The following SUZ12 variants were observed in gnomAD, a reference collection of about 807,000 sequenced individuals.
The protein encoded by SUZ12 is polycomb protein SUZ12.
Under a neutral mutation model 87.3 loss-of-function variants are expected in SUZ12, and 17 were observed. That is an observed-to-expected ratio of 0.19 (90% confidence interval 0.13 to 0.29). The LOEUF is 0.29. Among genes scored for constraint, SUZ12 ranks in the 10% least tolerant of loss-of-function variants. The pLI, the probability that SUZ12 is intolerant of heterozygous loss-of-function variation, is 1.00. For synonymous variants in SUZ12, 253 were observed against 312.4 expected (o/e 0.81, Z 2.01); for missense variants, 526 against 912.2 (o/e 0.58, Z 5.45).
intron 4 of SUZ12, among the ~76,000 whole-genome samples, chr17:31,958,059 C>T (rs1232311370): frequency 2.1e-4 from 32 of 151,912 alleles, no homozygotes; most frequent in African/African-American, 6.8e-4. Flanking sequence ...CCTGCCATCA[C>T]GCCCGGCTAA....
chr17:31,963,407 G>A (rs1598162697), intron 4 of SUZ12, among the ~76,000 whole-genome samples: 1 of 150,872 alleles, frequency 6.6e-6, no homozygotes, highest in East Asian at 1.9e-4. Flanking sequence ...CTCCCATCCC[G>A]CCTCATCTCC....
Position 31,952,131 on chromosome 17 carries a change from G to A in SUZ12, c.455+4446G>A, listed in dbSNP as rs575047063. Among the ~76,000 whole-genome samples the A allele has an allele frequency of 3.5e-4, 53 of 152,238 alleles. 1 individual carries two copies. The South Asian group carries it at 9.1e-3, about 26-fold the overall frequency. On this transcript the variant is annotated intron_variant, in intron 4 of 15. Coordinates refer to ENST00000322652, the MANE Select transcript of SUZ12 (RefSeq NM_015355.4). ...TGCCCAGGCTGGAGCACAAGTGGCT[G>A]CTCACTGCAGCCTCTAACTCCTGGC...
chr17:31,999,452 G>GA lies in SUZ12; in HGVS notation c.*456dup, dbSNP rs1412157547. On this transcript the variant is annotated 3_prime_UTR_variant, in exon 16 of 16. Transcript: ENST00000322652. ...TCTTCATATGTCAACTACAGAAAAG[G>GA]AAAAAAATAGAAATTGAAGGATTTT... 7 of 231,198 alleles carry GA rather than the reference G, an allele frequency of 3.0e-5. No individual in the cohort carries two copies. Among genetic ancestry groups the GA allele is most frequent in the Non-Finnish European group, 6.0e-5 (7 of 117,024 alleles). The allele number at this position is 231,198 out of a possible 1,614,324, so 14.3% of individuals were successfully genotyped here. A position where few individuals can be genotyped will look rare whatever the true frequency, so the allele number is the denominator to read the frequency against.
intron 4 of SUZ12, among the ~76,000 whole-genome samples, chr17:31,950,107 C>T (rs982270361): frequency 1.3e-5 from 2 of 152,110 alleles, no homozygotes; most frequent in Non-Finnish European, 2.9e-5. Context: ...CTGCCTCAGC[C>T]TCCCAAGTAG....
At chr17:31,971,871 T>G (rs1217602644) in intron 5 of SUZ12, among the ~76,000 whole-genome samples, 2 of 152,188 alleles carry the variant, frequency 1.3e-5, no homozygotes, top group Non-Finnish European at 2.9e-5. Flanking sequence ...TCTCAGCTAC[T>G]TAGGAGGCTT....
At chr17:31,973,567 G>A (rs2470250) in intron 6 of SUZ12, among the ~76,000 whole-genome samples, 1 of 152,316 alleles carries the variant, frequency 6.6e-6, no homozygotes, top group East Asian at 1.9e-4. Flanking sequence ...GACATTTTAG[G>A]TAAGGGCTAA....
At position 31,983,055 on chromosome 17, in the gene SUZ12, G is replaced by A; in HGVS notation, c.974G>A (p.Cys325Tyr). The A allele has an allele frequency of 6.2e-7, 1 of 1,613,646 alleles. No individual in the cohort carries two copies. Among genetic ancestry groups the A allele is most frequent in the Non-Finnish European group, 8.5e-7 (1 of 1,179,762 alleles). ...YEVAMQEMEE[C>Y]PISKKRATWE... ...GTAGCCATGCAGGAAATGGAAGAAT[G>A]TCCAATAAGCAAGAAAAGAGCAACA... The change falls in exon 9 of 16, where the codon TGT becomes TAT. Residue 325 changes from cysteine to tyrosine, a missense_variant. Physicochemically the swap from Cys to Tyr is radical, Grantham distance 194. Coordinates refer to ENST00000322652, the MANE Select transcript of SUZ12 (RefSeq NM_015355.4).
chr17:31,969,665 C>T (rs1305543757), intron 5 of SUZ12, among the ~76,000 whole-genome samples: 2 of 152,082 alleles, frequency 1.3e-5, no homozygotes, highest in African/African-American at 2.4e-5. Flanking sequence ...GTTTCTTTTC[C>T]ATCCAAGGTT....
intron 13 of SUZ12, among the ~76,000 whole-genome samples, chr17:31,995,028 C>T (rs1428974506): frequency 3.3e-5 from 5 of 152,002 alleles, no homozygotes; most frequent in Admixed American, 1.3e-4. Flanking sequence ...CCTGGGAGGT[C>T]GAGGTTGCAG....
At chr17:31,947,324 CAAAAT>C (rs930812120) in intron 3 of SUZ12, among the ~76,000 whole-genome samples, 4 of 151,898 alleles carry the variant, frequency 2.6e-5, no homozygotes, top group African/African-American at 7.3e-5. Flanking sequence ...AAGTAAGTGT[CAAAAT>C]AAATATAAAC....
At chr17:31,986,293 T>C (rs947565574) in intron 9 of SUZ12, among the ~76,000 whole-genome samples, 12 of 152,212 alleles carry the variant, frequency 7.9e-5, no homozygotes, top group Admixed American at 2.6e-4. Context: ...AGTCAGAGCA[T>C]ATAGATTTAC....
rs750012569 is a variant in SUZ12 at position 31,975,750 on chromosome 17, C to T, written c.823+37C>T. 3.4e-5 allele frequency: 50 copies of T among 1,475,150 alleles called. No homozygotes were observed. In the South Asian group the frequency reaches 4.4e-4, roughly 13 times the overall value. The allele number at this position is 1,475,150 out of a possible 1,614,324, so 91.4% of individuals were successfully genotyped here. On this transcript the variant is annotated intron_variant, in intron 7 of 15. Transcript: ENST00000322652. The stretch of plus-strand genomic sequence containing the variant: ...TTTTACTAGATTTTATCACTGGAGA[C>T]TAAGATGGTCATTGAAAATGATTGT...
At chr17:31,987,822 C>A (rs1375818676) in intron 9 of SUZ12, among the ~76,000 whole-genome samples, 1 of 152,026 alleles carries the variant, frequency 6.6e-6, no homozygotes, top group Admixed American at 6.6e-5. Flanking sequence ...CCTGTAATCC[C>A]AGCTACTTGG....
At chr17:31,985,489 TGATGA>T (rs1909356934) in intron 9 of SUZ12, among the ~76,000 whole-genome samples, 1 of 151,810 alleles carries the variant, frequency 6.6e-6, no homozygotes, top group African/African-American at 2.4e-5. Flanking sequence ...TAACTCCAGG[TGATGA>T]GATTTCAAAT....
chr17:31,957,742 C>G (rs1198647123), intron 4 of SUZ12, among the ~76,000 whole-genome samples: 1 of 149,872 alleles, frequency 6.7e-6, no homozygotes, highest in Non-Finnish European at 1.5e-5. Flanking sequence ...GATGGAGTTT[C>G]ACCATGTTGG....
At position 31,993,852 on chromosome 17, in the gene SUZ12, TA is replaced by T; in HGVS notation, c.1294-11del. On this transcript the variant is annotated splice_polypyrimidine_tract_variant and intron_variant, in intron 11 of 15. Coordinates refer to ENST00000322652, the MANE Select transcript of SUZ12 (RefSeq NM_015355.4). ...AAATTGGAGATTTGCTTTTTTTTTT[TA>T]ATTGTTTTTAGTTTCTCTATAACAA... is the stretch of plus-strand genomic sequence containing the variant. The T allele has an allele frequency of 1.3e-6, 2 of 1,579,384 alleles. No individual in the cohort carries two copies. Among genetic ancestry groups the T allele is most frequent in the Admixed American group, 4.0e-5 (2 of 49,574 alleles).
chr17:31,986,432 A>G (rs1278223406), intron 9 of SUZ12, among the ~76,000 whole-genome samples: 1 of 152,170 alleles, frequency 6.6e-6, no homozygotes, highest in Non-Finnish European at 1.5e-5. Context: ...AAAAATGTTA[A>G]TAGTGATTAT....
intron 3 of SUZ12, among the ~76,000 whole-genome samples, chr17:31,943,334 T>G (rs1012491677): frequency 6.6e-6 from 1 of 152,218 alleles, no homozygotes; most frequent in Non-Finnish European, 1.5e-5. Context: ...ATGTAGGTAC[T>G]TAATTTTAAA....
intron 10 of SUZ12, among the ~76,000 whole-genome samples, chr17:31,989,716 A>G (rs1909609144): frequency 1.3e-5 from 2 of 151,220 alleles, no homozygotes; most frequent in African/African-American, 4.9e-5. Context: ...CTCCTGCCTC[A>G]GCCTCCTGAG....
Sources: gnomAD v4.1 joint callset for allele counts (sites outside exome capture counted in the v4.1 genomes callset) on GRCh38, gnomAD v4.1.1 for gene constraint, MANE v1.5 for transcripts, NCBI Gene and HGNC (gene_info 2026-07-23, HGNC 2026-07-21) for gene names.